SPPL3: variants seen among roughly 807,000 people sequenced by gnomAD.
SPPL3 encodes signal peptide peptidase-like 3.
Under a neutral mutation model 42.4 loss-of-function variants are expected in SPPL3, and 5 were observed. The ratio of observed to expected loss-of-function variants is 0.12; its 90% CI spans 0.06 to 0.25. SPPL3 has a LOEUF of 0.25. Ranked by LOEUF, SPPL3 falls within the 10% of genes least tolerant of loss-of-function variation. The probability of loss-of-function intolerance (pLI) is 1.00; values close to 1 mark genes in which losing one functional copy is unlikely to be tolerated. For missense variants in SPPL3, 235 were observed against 489.0 expected, an observed-to-expected ratio of 0.48 and a Z score of 4.90; for synonymous variants, 195 against 181.8, an observed-to-expected ratio of 1.07 and a Z score of -0.58.
Position 120,764,861 on chromosome 12 carries a change from A to T in SPPL3, c.*138T>A, listed in dbSNP as rs9431. On this transcript the variant is annotated 3_prime_UTR_variant, in exon 11 of 11. Transcript: ENST00000353487. ...TCTCTCCTGCAAACGAGCTCCCTTT[A>T]AATGCCAAATCCAGTCACACGGCAG... 1.1e-6 allele frequency: 1 copy of T among 910,254 alleles called. No individual in the cohort carries two copies. Among genetic ancestry groups the T allele is most frequent in the Non-Finnish European group, 1.6e-6 (1 of 624,122 alleles). The allele number at this position is 910,254 out of a possible 1,614,324, so 56.4% of individuals were successfully genotyped here.
rs144864979 is a variant in SPPL3 at position 120,772,690 on chromosome 12, A to T, written c.503-3631T>A. Among the ~76,000 whole-genome samples the T allele has an allele frequency of 3.3e-5, 5 of 152,348 alleles. No homozygotes were observed. The East Asian group carries it at 9.6e-4, about 29-fold the overall frequency. ...TACAGCAGCTTGGCAGACCCTGGAC[A>T]CATCAACTAAATTACTGTTTCATGG... is the stretch of plus-strand genomic sequence containing the variant. On this transcript the variant is annotated intron_variant, in intron 6 of 10. Coordinates refer to ENST00000353487, the MANE Select transcript of SPPL3 (RefSeq NM_139015.5).
At chr12:120,796,846 T>C (rs1870114666) in intron 2 of SPPL3, among the ~76,000 whole-genome samples, 3 of 152,172 alleles carry the variant, frequency 2.0e-5, no homozygotes, top group African/African-American at 7.2e-5. Context: ...TCCTCCACTT[T>C]AGATGATTTC....
At chr12:120,861,616 C>A (rs1023629746) in intron 1 of SPPL3, among the ~76,000 whole-genome samples, 3 of 152,124 alleles carry the variant, frequency 2.0e-5, no homozygotes, top group Admixed American at 2.0e-4. Flanking sequence ...TGAAACGCAT[C>A]CTAGCAGCGG....
intron 3 of SPPL3, among the ~76,000 whole-genome samples, chr12:120,790,309 T>C (rs1459156499): frequency 1.3e-5 from 2 of 152,214 alleles, no homozygotes; most frequent in East Asian, 3.8e-4. Flanking sequence ...ATGAAACCCA[T>C]GTGACTGGGT....
chr12:120,782,003 A>G (rs1304703996), intron 6 of SPPL3, among the ~76,000 whole-genome samples: 1 of 151,774 alleles, frequency 6.6e-6, no homozygotes, highest in African/African-American at 2.4e-5. Context: ...TCAGCCTCCC[A>G]AGTAGCTGGG....
chr12:120,791,782 G>C (rs1592964363), intron 2 of SPPL3: 3 of 465,596 alleles, frequency 6.4e-6, no homozygotes, highest in Non-Finnish European at 1.1e-5. Context: ...CAATGCAGCT[G>C]AATCTTCCAC....
chr12:120,827,484 C>A (rs1871264344), intron 1 of SPPL3, among the ~76,000 whole-genome samples: 1 of 152,056 alleles, frequency 6.6e-6, no homozygotes, highest in Non-Finnish European at 1.5e-5. Flanking sequence ...GAGGAACATA[C>A]TTCCACTATC....
In SPPL3 at chr12:120,826,496, T is replaced by C. The variant is rs375942090; in HGVS notation, c.24-15610A>G. ...GGCAGAACCCTTGACACGGATCACC[T>C]CCACCTGGCCTAAAGCTTACCTAAC... On this transcript the variant is annotated intron_variant, in intron 1 of 10. Coordinates refer to ENST00000353487, the MANE Select transcript of SPPL3 (RefSeq NM_139015.5). Among the ~76,000 whole-genome samples, 15 of 152,056 alleles carry C rather than the reference T, an allele frequency of 9.9e-5. No homozygotes were observed. In the East Asian group the frequency reaches 2.3e-3, roughly 24 times the overall value.
At chr12:120,867,116 G>A (rs750662130) in intron 1 of SPPL3, among the ~76,000 whole-genome samples, 1 of 152,038 alleles carries the variant, frequency 6.6e-6, no homozygotes, top group Non-Finnish European at 1.5e-5. Context: ...CTTGGAACAG[G>A]CTATTTCCTA....
chr12:120,834,610 C>G (rs964866132), intron 1 of SPPL3, among the ~76,000 whole-genome samples: 1 of 152,198 alleles, frequency 6.6e-6, no homozygotes, highest in Non-Finnish European at 1.5e-5. Context: ...CATACTCCTT[C>G]TGCAATCTTA....
Position 120,766,070 on chromosome 12 carries a change from C to T in SPPL3, c.1083+193G>A, listed in dbSNP as rs79201745. On this transcript the variant is annotated intron_variant, in intron 10 of 10. Transcript: ENST00000353487. ...GTCAGTGGCTGCACGAATCTGGAAG[C>T]GTTTGCTAACGCCAGGGTAGCGCGC... Among the ~76,000 whole-genome samples, 506 of 150,426 alleles carry T rather than the reference C, an allele frequency of 3.4e-3. 4 individuals are homozygous for T. Among genetic ancestry groups the T allele is most frequent in the African/African-American group, 0.012 (483 of 40,718 alleles).
chr12:120,818,084 G>T (rs1400861315), intron 1 of SPPL3, among the ~76,000 whole-genome samples: 1 of 152,138 alleles, frequency 6.6e-6, no homozygotes, highest in Admixed American at 6.5e-5. Flanking sequence ...CTCTACCAAA[G>T]CATCAACAGA....
chr12:120,827,036 G>A (rs1048457155), intron 1 of SPPL3, among the ~76,000 whole-genome samples: 3 of 151,962 alleles, frequency 2.0e-5, no homozygotes, highest in African/African-American at 4.8e-5. Context: ...TACCAACCCC[G>A]AGAATGTTTT....
chr12:120,795,716 C>T (rs1463357503), intron 2 of SPPL3, among the ~76,000 whole-genome samples: 2 of 152,030 alleles, frequency 1.3e-5, no homozygotes, highest in Non-Finnish European at 2.9e-5. Flanking sequence ...GTTTTTTGTG[C>T]TTATAATCTG....
chr12:120,766,458 G>T, intron 9 of SPPL3, 86 bp from the exon 10 acceptor site: 1 of 1,044,690 alleles, frequency 9.6e-7, no homozygotes. Context: ...CAACTGTACA[G>T]ATCTAATGTG....
At chr12:120,794,295 T>C (rs1010088461) in intron 2 of SPPL3, among the ~76,000 whole-genome samples, 2 of 152,274 alleles carry the variant, frequency 1.3e-5, no homozygotes, top group Non-Finnish European at 2.9e-5. Context: ...TCCTAACCAC[T>C]AGACAACAGG....
intron 1 of SPPL3, among the ~76,000 whole-genome samples, chr12:120,823,497 T>C (rs1206886796): frequency 1.3e-5 from 2 of 152,008 alleles, no homozygotes; most frequent in African/African-American, 2.4e-5. Flanking sequence ...CCACTTCCTT[T>C]TCTTGAAACA....
chr12:120,765,715 G>GA (rs1868864093), intron 10 of SPPL3, among the ~76,000 whole-genome samples: 1 of 151,424 alleles, frequency 6.6e-6, no homozygotes, highest in African/African-American at 2.4e-5. Context: ...CCCTGAGCAA[G>GA]AAAAGGGCTT....
chr12:120,862,076 A>G (rs1869375286), intron 1 of SPPL3, among the ~76,000 whole-genome samples: 1 of 152,200 alleles, frequency 6.6e-6, no homozygotes, highest in African/African-American at 2.4e-5. Context: ...CAAACTTTTT[A>G]GTTCAGGACT....
Sources: allele counts gnomAD v4.1 joint callset (sites outside exome capture counted in the v4.1 genomes callset), GRCh38; gene constraint gnomAD v4.1.1; transcripts MANE v1.5; gene names NCBI Gene and HGNC (gene_info 2026-07-23, HGNC 2026-07-21).